The following CDH18 variants were observed in gnomAD, a reference collection of about 807,000 sequenced individuals.
CDH18 encodes cadherin 18.
A neutral mutation model predicts 67.9 loss-of-function variants in CDH18; 31 were observed. That is an observed-to-expected ratio of 0.46 (90% CI 0.34 to 0.62). CDH18 has a LOEUF of 0.62. Among genes scored for constraint, CDH18 ranks in the 20% least tolerant of loss-of-function variants. CDH18 has a pLI of 0.01. For synonymous variants in CDH18, 362 were observed against 347.2 expected (o/e 1.04, Z -0.48); for missense variants, 890 against 975.5 (o/e 0.91, Z 1.17).
At chr5:20,120,526 T>C (rs547428174) in intron 2 of CDH18, among the ~76,000 whole-genome samples, 2 of 152,288 alleles carry the variant, frequency 1.3e-5, no homozygotes, top group East Asian at 3.9e-4. Context: ...CAACATTATA[T>C]TGGCTGCCTT....
intron 1 of CDH18, among the ~76,000 whole-genome samples, chr5:20,267,636 T>C (rs1170660210): frequency 6.6e-6 from 1 of 152,326 alleles, no homozygotes; most frequent in East Asian, 1.9e-4. Context: ...AATTTATTCC[T>C]AGGCATTTTG....
intron 1 of CDH18, among the ~76,000 whole-genome samples, chr5:20,437,300 T>C (rs1281069034): frequency 6.6e-6 from 1 of 151,336 alleles, no homozygotes; most frequent in Non-Finnish European, 1.5e-5. Flanking sequence ...TAATTCTTAA[T>C]TACTATATGT....
intron 2 of CDH18, among the ~76,000 whole-genome samples, chr5:20,239,258 C>A (rs1429095094): frequency 6.6e-6 from 1 of 152,056 alleles, no homozygotes; most frequent in Non-Finnish European, 1.5e-5. Flanking sequence ...AGTTCAAGAC[C>A]AGCCTGGGCA....
chr5:20,040,482 T>G (rs1740322936), intron 2 of CDH18, among the ~76,000 whole-genome samples: 1 of 152,102 alleles, frequency 6.6e-6, no homozygotes, highest in South Asian at 2.1e-4. Flanking sequence ...AAGCAAGATG[T>G]GTAACGTTTT....
intron 7 of CDH18, 21 bp downstream of exon 7, chr5:19,591,036 C>A: frequency 6.7e-7 from 1 of 1,500,462 alleles, no homozygotes. Context: ...GCCTGAATCA[C>A]AAAAAGTATG....
chr5:20,010,368 C>A (rs116705928), intron 2 of CDH18, among the ~76,000 whole-genome samples: 1 of 151,932 alleles, frequency 6.6e-6, no homozygotes, highest in East Asian at 1.9e-4. Context: ...CACCACCACG[C>A]CCCACTATTT....
chr5:20,244,985 C>T (rs989674351), intron 2 of CDH18, among the ~76,000 whole-genome samples: 2 of 152,086 alleles, frequency 1.3e-5, no homozygotes, highest in Non-Finnish European at 2.9e-5. Context: ...AACCTCCAAA[C>T]TTAAAAATCT....
intron 2 of CDH18, among the ~76,000 whole-genome samples, chr5:20,125,046 C>T (rs1748700032): frequency 6.6e-6 from 1 of 152,130 alleles, no homozygotes; most frequent in Non-Finnish European, 1.5e-5. Flanking sequence ...GATTTGTCAC[C>T]TGTTATCTAC....
At chr5:19,730,942 C>G (rs1767512190) in intron 4 of CDH18, among the ~76,000 whole-genome samples, 1 of 152,140 alleles carries the variant, frequency 6.6e-6, no homozygotes, top group African/African-American at 2.4e-5. Flanking sequence ...ATTGAGGGAA[C>G]AGGAAGTGGT....
At chr5:20,418,645 G>T (rs557007436) in intron 1 of CDH18, among the ~76,000 whole-genome samples, 3 of 77,928 alleles carry the variant, frequency 3.8e-5, no homozygotes, top group Admixed American at 1.9e-4. Flanking sequence ...TAAAACAAAT[G>T]AAGATTTCAA....
At chr5:19,863,752 GAA>G (rs752322312) in intron 2 of CDH18, among the ~76,000 whole-genome samples, 18 of 152,162 alleles carry the variant, frequency 1.2e-4, no homozygotes, top group Non-Finnish European at 2.2e-4. Flanking sequence ...GGTCACCAGA[GAA>G]AAGAGACTGG....
At chr5:20,439,269 T>C (rs1035540570) in intron 1 of CDH18, among the ~76,000 whole-genome samples, 1 of 151,642 alleles carries the variant, frequency 6.6e-6, no homozygotes, top group Admixed American at 6.6e-5. Flanking sequence ...TCACACTGAA[T>C]AGAAAAAACT....
intron 1 of CDH18, among the ~76,000 whole-genome samples, chr5:20,425,251 C>T (rs1308101590): frequency 1.3e-5 from 2 of 150,440 alleles, no homozygotes; most frequent in Non-Finnish European, 2.9e-5. Context: ...CCTGTAATCC[C>T]AGTTACTCTA....
intron 1 of CDH18, among the ~76,000 whole-genome samples, chr5:20,508,043 T>C (rs1165696861): frequency 6.6e-6 from 1 of 151,906 alleles, no homozygotes; most frequent in African/African-American, 2.4e-5. Context: ...AAATAGCTTC[T>C]CTCTAATGAG....
rs533913126 is a variant in CDH18, at chr5:19,630,484, G to T, written c.644-17883C>A. 1.5e-4 allele frequency among the ~76,000 whole-genome samples: 23 copies of T among 152,242 alleles called. No homozygotes were observed. In the South Asian group the frequency reaches 4.8e-3, roughly 32 times the overall value. ...AGCAAGGATCCATTGGGGTGTGTGT[G>T]TGTGTGTGTGTTGTTTTGGTTTTGC... On this transcript the variant is annotated intron_variant, in intron 5 of 12. Coordinates refer to ENST00000382275, the MANE Select transcript of CDH18 (RefSeq NM_004934.5).
chr5:20,539,498 C>A (rs1026719250), intron 1 of CDH18, among the ~76,000 whole-genome samples: 1 of 151,746 alleles, frequency 6.6e-6, no homozygotes. Flanking sequence ...GAAGACCGTA[C>A]GCAATATATT....
chr5:19,670,926 T>G (rs1424663661), intron 5 of CDH18, among the ~76,000 whole-genome samples: 1 of 152,108 alleles, frequency 6.6e-6, no homozygotes, highest in African/African-American at 2.4e-5. Flanking sequence ...TAGTTTATTT[T>G]GTGGCTAAAC....
intron 2 of CDH18, among the ~76,000 whole-genome samples, chr5:20,240,358 C>A (rs946550646): frequency 5.9e-5 from 9 of 151,934 alleles, no homozygotes; most frequent in Admixed American, 4.6e-4. Flanking sequence ...TCAATTGAGA[C>A]AAAATATATG....
chr5:20,193,762 C>G (rs1053947389), intron 2 of CDH18, among the ~76,000 whole-genome samples: 33 of 152,174 alleles, frequency 2.2e-4, no homozygotes, highest in African/African-American at 7.7e-4. Flanking sequence ...ATGATCAAGT[C>G]AGCTTCATTC....
Sources: gnomAD v4.1 joint callset for allele counts (sites outside exome capture counted in the v4.1 genomes callset) on GRCh38, gnomAD v4.1.1 for gene constraint, MANE v1.5 for transcripts, NCBI Gene and HGNC (gene_info 2026-07-23, HGNC 2026-07-21) for gene names.